CC2D2A: variants seen among roughly 807,000 people sequenced by gnomAD.
CC2D2A encodes the protein coiled-coil and C2 domain containing 2A.
A neutral mutation model predicts 212.9 loss-of-function variants in CC2D2A; 155 were observed. That is an observed-to-expected ratio of 0.73 (90% CI 0.64 to 0.83). The LOEUF is 0.83. Ranked by LOEUF, CC2D2A falls within the 40% of genes least tolerant of loss-of-function variation. The probability of loss-of-function intolerance (pLI) is 0.00; values close to 1 mark genes in which losing one functional copy is unlikely to be tolerated. For missense variants in CC2D2A, 1,856 were observed against 1,956.2 expected (o/e 0.95, Z 0.97); for synonymous variants, 667 against 686.5 (o/e 0.97, Z 0.44).
At chr4:15,528,803 C>T in intron 13 of CC2D2A, 77 bp downstream of exon 13, 2 of 1,033,598 alleles carry the variant, frequency 1.9e-6, no homozygotes, top group East Asian at 2.4e-5. Flanking sequence ...TTTCCAGATA[C>T]TTTTTCTGAA....
chr4:15,529,960 G>A (rs889444819), intron 13 of CC2D2A, among the ~76,000 whole-genome samples: 5 of 150,118 alleles, frequency 3.3e-5, no homozygotes, highest in African/African-American at 1.2e-4. Context: ...TGTTACATAC[G>A]CATTTCTTTT....
intron 1 of CC2D2A, among the ~76,000 whole-genome samples, chr4:15,475,100 C>A (rs367617341): frequency 4.5e-4 from 68 of 152,180 alleles, no homozygotes; most frequent in African/African-American, 1.6e-3. Context: ...ATGGTGAAAC[C>A]CTGTCTCTAC....
At position 15,479,744 on chromosome 4, in the gene CC2D2A, G is replaced by A. The variant is rs1485746043; in HGVS notation, c.123+938G>A. ...CTTCCTGTGGGGTCAGTCTGCAGCC[G>A]TGCAGCCCAAGGCCAGGGGCTGTGG... On this transcript the variant is annotated intron_variant, in intron 3 of 36. Coordinates refer to ENST00000424120, the MANE Select transcript of CC2D2A (RefSeq NM_001378615.1). 2.6e-5 allele frequency among the ~76,000 whole-genome samples: 4 copies of A among 152,128 alleles called. 1 individual carries two copies. The highest frequency in any genetic ancestry group is 3.9e-4 in the East Asian group (2 of 5,176).
chr4:15,482,886 C>A lies in CC2D2A; in HGVS notation c.247+2059C>A, dbSNP rs550696156. On this transcript the variant is annotated intron_variant, in intron 4 of 36. Transcript: ENST00000424120. ...GAGATGATCTATGCATTAGTCCCTT[C>A]CCCCACAAAAAGCGCTATTTCTGAA... Among the ~76,000 whole-genome samples the A allele has an allele frequency of 4.6e-5, 7 of 152,246 alleles. No homozygotes were observed. The South Asian group carries it at 1.4e-3, about 32-fold the overall frequency.
intron 28 of CC2D2A, 90 bp from the exon 29 acceptor site, chr4:15,574,060 A>C: frequency 8.5e-7 from 1 of 1,171,788 alleles, no homozygotes; most frequent in Admixed American, 2.7e-5. Flanking sequence ...TTTTGGTTCA[A>C]TTTATTAAAC....
chr4:15,589,519 T>C (rs939355695), intron 32 of CC2D2A, 26 bp from the exon 33 acceptor site: 20 of 1,603,424 alleles, frequency 1.2e-5, no homozygotes, highest in Non-Finnish European at 1.7e-5. Flanking sequence ...AGTTGAAAAC[T>C]AGTTTTAATG....
At chr4:15,548,968 T>G (rs566354050) in intron 17 of CC2D2A, among the ~76,000 whole-genome samples, 2 of 152,324 alleles carry the variant, frequency 1.3e-5, no homozygotes, top group Non-Finnish European at 2.9e-5. Flanking sequence ...TCAAGGAAAT[T>G]TGAAACTTAC....
intron 23 of CC2D2A, 145 bp downstream of exon 23, chr4:15,560,767 AC>A: frequency 2.0e-6 from 1 of 496,086 alleles, no homozygotes; most frequent in African/African-American, 2.0e-5. Context: ...CCTGGTTAAT[AC>A]CTGATGATGA....
At chr4:15,523,727 A>G (rs1717340434) in intron 11 of CC2D2A, among the ~76,000 whole-genome samples, 1 of 152,088 alleles carries the variant, frequency 6.6e-6, no homozygotes, top group African/African-American at 2.4e-5. Flanking sequence ...CCTCTCTTCC[A>G]CCCCTCTTTT....
At chr4:15,556,357 CTT>C (rs1021294920) in intron 20 of CC2D2A, among the ~76,000 whole-genome samples, 1 of 152,154 alleles carries the variant, frequency 6.6e-6, no homozygotes, top group African/African-American at 2.4e-5. Context: ...TTTATTCTGA[CTT>C]TTATCTTTAT....
At position 15,589,344 on chromosome 4, in the gene CC2D2A, G is replaced by C. The variant is rs182474374; in HGVS notation, c.4180-201G>C. ...TTTGGTCATTGTACTAGTATCAGAT[G>C]CAAGAATTTTGCAAAACTAAGCATT... is the stretch of plus-strand genomic sequence containing the variant. On this transcript the variant is annotated intron_variant, in intron 32 of 36. Transcript: ENST00000424120. Among the ~76,000 whole-genome samples the C allele has an allele frequency of 5.9e-5, 9 of 152,198 alleles. No homozygotes were observed. In the East Asian group the frequency reaches 1.7e-3, roughly 29 times the overall value.
At chr4:15,539,730 T>C (rs78666239) in intron 16 of CC2D2A, among the ~76,000 whole-genome samples, 1 of 152,208 alleles carries the variant, frequency 6.6e-6, no homozygotes, top group Non-Finnish European at 1.5e-5. Context: ...TCAAAATATG[T>C]GATGACACAG....
Position 15,553,263 on chromosome 4 carries a change from C to T in CC2D2A, c.2444C>T (p.Pro815Leu). Residue 815 changes from proline to leucine, a missense_variant, in exon 19 of 37, where the codon CCT (proline) becomes CTT (leucine). By Grantham distance (98) the Pro-to-Leu change is moderately conservative. Around this residue, in one of 5 missense-constraint regions of CC2D2A, gnomAD observed 1,512 missense variants for 1,579.3 expected, o/e 0.96. Coordinates refer to ENST00000424120, the MANE Select transcript of CC2D2A (RefSeq NM_001378615.1). ...VAWAIGENGI[P>L]LIPPLSQQNI... The stretch of plus-strand genomic sequence containing the variant: ...TGGGCCATTGGAGAAAACGGGATAC[C>T]TTTAATTCCTCCATTGTCACAGCAG... 6.2e-7 allele frequency: 1 copy of T among 1,613,102 alleles called. No homozygotes were observed. Among genetic ancestry groups the T allele is most frequent in the Non-Finnish European group, 8.5e-7 (1 of 1,179,572 alleles).
chr4:15,591,463 C>A (rs541820165), intron 33 of CC2D2A, among the ~76,000 whole-genome samples: 2 of 152,260 alleles, frequency 1.3e-5, no homozygotes, highest in East Asian at 1.9e-4. Flanking sequence ...AGGTGATCTG[C>A]CCGCCTCAGC....
At chr4:15,475,880 T>G in intron 1 of CC2D2A, 35 bp from the exon 2 acceptor site, 1 of 1,498,184 alleles carries the variant, frequency 6.7e-7, no homozygotes, top group East Asian at 2.4e-5. Context: ...TTCATTGATT[T>G]CAAAATGCCT....
rs144754512 is a variant in CC2D2A at position 15,478,257 on chromosome 4, T to C, written c.40-466T>C. Among the ~76,000 whole-genome samples, 43 of 152,378 alleles carry C rather than the reference T, an allele frequency of 2.8e-4. 1 individual carries two copies. Among genetic ancestry groups the C allele is most frequent in the Admixed American group, 2.7e-3 (41 of 15,308 alleles). On this transcript the variant is annotated intron_variant, in intron 2 of 36. Coordinates refer to ENST00000424120, the MANE Select transcript of CC2D2A (RefSeq NM_001378615.1). ...ATTTGTGATGATGTAACATGTATCATTATTATCCTTTTCCTGCTGGTAAGG... is the reference window on the plus strand; with the variant it reads ...ATTTGTGATGATGTAACATGTATCACTATTATCCTTTTCCTGCTGGTAAGG...
chr4:15,566,966 C>T (rs1318904572), intron 24 of CC2D2A, among the ~76,000 whole-genome samples: 1 of 151,914 alleles, frequency 6.6e-6, no homozygotes, highest in Non-Finnish European at 1.5e-5. Context: ...CAGAGCAAGA[C>T]TCTATCTCAA....
intron 11 of CC2D2A, 130 bp downstream of exon 11, chr4:15,516,886 G>C: frequency 9.7e-6 from 7 of 720,396 alleles, no homozygotes; most frequent in East Asian, 4.2e-5. Context: ...TACACATAAA[G>C]AACAAACATC....
At chr4:15,540,732 G>A in intron 16 of CC2D2A, 105 bp from the exon 17 acceptor site, 2 of 1,024,594 alleles carry the variant, frequency 2.0e-6, no homozygotes, top group Middle Eastern at 3.1e-4. Flanking sequence ...GATTGGGAGA[G>A]TTGCCTGCAG....
Sources: allele counts gnomAD v4.1 joint callset (sites outside exome capture counted in the v4.1 genomes callset), GRCh38; gene constraint gnomAD v4.1.1; regional missense constraint gnomAD v4.1.1; transcripts MANE v1.5; gene names NCBI Gene and HGNC (gene_info 2026-07-23, HGNC 2026-07-21).